Variants in TBX1 observed in about 807,000 individuals in gnomAD.
TBX1 encodes T-box transcription factor TBX1.
Under a neutral mutation model 40.8 loss-of-function variants are expected in TBX1, and 16 were observed. The ratio of observed to expected loss-of-function variants is 0.39; its 90% CI spans 0.27 to 0.60. TBX1 has a LOEUF of 0.60. Ranked by LOEUF, TBX1 falls within the 20% of genes least tolerant of loss-of-function variation. TBX1 has a pLI of 0.51. For missense variants in TBX1, 755 were observed against 728.5 expected (o/e 1.04, Z -0.42); for synonymous variants, 403 against 336.8 (o/e 1.20, Z -2.15).
downstream of TBX1, among the ~76,000 whole-genome samples, chr22:19,768,116 C>G (rs41299360): frequency 0.012 from 1,758 of 152,298 alleles, 29 homozygotes; most frequent in South Asian, 0.043. Context: ...GGCTGACAGC[C>G]GGTCAGCGCC....
At chr22:19,779,176 A>T (rs1937111341) in intron 8 of TBX1, 2 of 1,609,744 alleles carry the variant, frequency 1.2e-6, no homozygotes, top group African/African-American at 2.7e-5. Flanking sequence ...GGCACCTCTG[A>T]CATGGTACTT....
chr22:19,775,055 A>G (rs1937044666), intron 8 of TBX1, among the ~76,000 whole-genome samples: 1 of 152,118 alleles, frequency 6.6e-6, no homozygotes, highest in Non-Finnish European at 1.5e-5. Flanking sequence ...CTGGGATTAT[A>G]GGTGTGAGCC....
downstream of TBX1, among the ~76,000 whole-genome samples, chr22:19,769,006 G>A (rs1936943408): frequency 7.1e-6 from 1 of 141,472 alleles, no homozygotes; most frequent in African/African-American, 2.7e-5. Flanking sequence ...TGTCGCCCAG[G>A]CCGGAATGCC....
At chr22:19,779,365 G>A (rs140564310) in exon 9 of TBX1, 40 of 1,614,060 alleles carry the variant, frequency 2.5e-5, no homozygotes, top group Non-Finnish European at 4.2e-6. Context: ...TCAATACCCA[G>A]GGCCTGGTGG....
chr22:19,764,310 T>A lies in TBX1; in HGVS notation c.695T>A (p.Leu232Gln). 6.2e-7 allele frequency: 1 copy of A among 1,612,626 alleles called. No homozygotes were observed. The highest frequency in any genetic ancestry group is 8.5e-7 in the Non-Finnish European group (1 of 1,179,920). ...FDKLKLTNNL[L>Q]DDNGHIILNS... The stretch of plus-strand genomic sequence containing the variant: ...AAGCTCAAGCTGACCAACAACCTAC[T>A]GGACGACAACGGCCACGTGAGCGAC... The change falls in exon 3 of 7, where the codon CTG (leucine) becomes CAG (glutamine). Residue 232 changes from leucine to glutamine, a missense_variant. Physicochemically the swap from Leu to Gln is moderately radical, Grantham distance 113. Coordinates refer to ENST00000649276, the MANE Select transcript of TBX1 (RefSeq NM_001379200.1).
chr22:19,774,278 G>T (rs537930938), intron 8 of TBX1, among the ~76,000 whole-genome samples: 1 of 152,232 alleles, frequency 6.6e-6, no homozygotes, highest in African/African-American at 2.4e-5. Context: ...GCCTGGGCGG[G>T]CCTAGGCACC....
At chr22:19,764,832 A>T in intron 3 of TBX1, 126 bp from the exon 4 acceptor site, 1 of 1,173,996 alleles carries the variant, frequency 8.5e-7, no homozygotes, top group Non-Finnish European at 1.2e-6. Flanking sequence ...TCTTGGAATT[A>T]AGGGTTTTGC....
chr22:19,761,164 G>T lies in TBX1; in HGVS notation c.321G>T (p.Lys107Asn). 4 of 1,518,376 alleles carry T rather than the reference G, an allele frequency of 2.6e-6. No homozygotes were observed. The highest frequency in any genetic ancestry group is 3.5e-6 in the Non-Finnish European group (4 of 1,129,238). The allele number at this position is 1,518,376 out of a possible 1,614,324, so 94.1% of individuals were successfully genotyped here. The change falls in exon 1 of 7, where the codon AAG (lysine) becomes AAT (asparagine). Residue 107 changes from lysine (K) to asparagine (N), a missense_variant. By Grantham distance (94) the Lys-to-Asn change is moderately conservative. This residue lies in a region of TBX1 where 199 missense variants were observed against 173.0 expected (regional missense o/e 1.15). Transcript: ENST00000649276. ...GGGCCAGCTGCGCGGCCGCAGCCAA[G>T]GCGCCGGTGAAGAAGAACGCGAAGG... Reference protein sequence around the residue: ...GPGASCAAAAKAPVKKNAKVA... With the variant: ...GPGASCAAAANAPVKKNAKVA...
At chr22:19,770,785 C>T (rs561881778), downstream of TBX1, among the ~76,000 whole-genome samples, 123 of 152,268 alleles carry the variant, frequency 8.1e-4, no homozygotes, top group African/African-American at 2.8e-3. Flanking sequence ...GCCACAGTTG[C>T]CAAGGGCAGA....
chr22:19,782,504 T>G (rs1453299720), downstream of TBX1, among the ~76,000 whole-genome samples: 1 of 152,218 alleles, frequency 6.6e-6, no homozygotes, highest in African/African-American at 2.4e-5. Context: ...CTTTAGCATC[T>G]CTTCCTGAGA....
chr22:19,759,241 G>A (rs1232424382), upstream of TBX1, among the ~76,000 whole-genome samples: 1 of 152,240 alleles, frequency 6.6e-6, no homozygotes, highest in Non-Finnish European at 1.5e-5. Context: ...CCTGGGAATG[G>A]AGGAAGGGGG....
chr22:19,760,243 AAAC>A (rs1287677120), upstream of TBX1, among the ~76,000 whole-genome samples: 1 of 151,542 alleles, frequency 6.6e-6, no homozygotes, highest in Non-Finnish European at 1.5e-5. Context: ...AAAACATAAA[AAAC>A]AAAGGACATA....
downstream of TBX1, among the ~76,000 whole-genome samples, chr22:19,767,961 C>T (rs186800286): frequency 6.2e-4 from 95 of 152,336 alleles, no homozygotes; most frequent in Non-Finnish European, 1.1e-3. Context: ...GGCACAATGA[C>T]AGTAGCCATG....
chr22:19,771,836 G>A (rs1467484914), downstream of TBX1, among the ~76,000 whole-genome samples: 1 of 152,238 alleles, frequency 6.6e-6, no homozygotes, highest in Non-Finnish European at 1.5e-5. Context: ...ATGGTGCAGT[G>A]GCAGTTGCCA....
chr22:19,779,538 T>C, exon 9 of TBX1: 1 of 1,520,854 alleles, frequency 6.6e-7, no homozygotes, highest in Non-Finnish European at 8.8e-7. Context: ...GTGCATGTTT[T>C]GTAATAAATA....
intron 8 of TBX1, among the ~76,000 whole-genome samples, chr22:19,775,707 G>A (rs779339106): frequency 6.6e-6 from 1 of 152,216 alleles, no homozygotes; most frequent in Non-Finnish European, 1.5e-5. Flanking sequence ...CACCCTGTCT[G>A]AAGGAGCTAG....
chr22:19,761,808 C>T (rs563555321), intron 1 of TBX1, among the ~76,000 whole-genome samples: 4 of 152,360 alleles, frequency 2.6e-5, no homozygotes, highest in South Asian at 2.1e-4. Flanking sequence ...TGCACTGTTG[C>T]GTGGAAGTTG....
At chr22:19,766,131 G>A (rs1936832842) in intron 6 of TBX1, 129 bp downstream of exon 6, 1 of 886,838 alleles carries the variant, frequency 1.1e-6, no homozygotes, top group Non-Finnish European at 1.4e-6. Context: ...CAACGGCCGC[G>A]GCGGCGGGCA....
intron 4 of TBX1, among the ~76,000 whole-genome samples, chr22:19,765,450 C>A (rs2238773): frequency 6.6e-6 from 1 of 152,112 alleles, no homozygotes; most frequent in Admixed American, 6.5e-5. Flanking sequence ...CCCCACCCCC[C>A]ACCCCACTGC....
Sources: allele counts gnomAD v4.1 joint callset (sites outside exome capture counted in the v4.1 genomes callset), GRCh38; gene constraint gnomAD v4.1.1; regional missense constraint gnomAD v4.1.1; transcripts MANE v1.5; gene names NCBI Gene and HGNC (gene_info 2026-07-23, HGNC 2026-07-21).